Variants in CARD6 observed in about 807,000 individuals in gnomAD.
The protein encoded by CARD6 is caspase recruitment domain-containing protein 6.
Under a neutral mutation model 23.6 loss-of-function variants are expected in CARD6, and 27 were observed. The observed-to-expected ratio is 1.14, with a 90% confidence interval of 0.84 to 1.58. The LOEUF (loss-of-function observed/expected upper bound fraction) is 1.58. Ranked by LOEUF, CARD6 falls within the 40% of genes most tolerant of loss-of-function variation. CARD6 has a pLI of 0.00. For missense variants in CARD6, 1,214 were observed against 1,209.9 expected (o/e 1.00, Z -0.05); for synonymous variants, 397 against 431.8 (o/e 0.92, Z 1.00).
rs749604829 is a variant in CARD6, at chr5:40,841,409, G to C, written c.27G>C (p.Glu9Asp). 6.2e-7 allele frequency: 1 copy of C among 1,611,052 alleles called. No individual in the cohort carries two copies. The highest frequency in any genetic ancestry group is 1.1e-5 in the South Asian group (1 of 90,808). Residue 9 changes from glutamate to aspartate, a missense_variant, in exon 1 of 3, where the codon GAG (glutamate) becomes GAC (aspartate). By Grantham distance (45) the Glu-to-Asp change is conservative (BLOSUM62 2). Coordinates refer to ENST00000254691, the MANE Select transcript of CARD6 (RefSeq NM_032587.4). Reference sequence around the variant, plus strand: ...TGGCTACCGAGAGTACTCCCTCAGAGATCATAGAAAGAGAAAGAAAAAAGT... The same window carrying C: ...TGGCTACCGAGAGTACTCCCTCAGACATCATAGAAAGAGAAAGAAAAAAGT... MATESTPS[E>D]IIERERKKLL... is the part of the protein sequence containing the mutation.
intron 2 of CARD6, among the ~76,000 whole-genome samples, chr5:40,848,356 C>T (rs1297718357): frequency 6.6e-6 from 1 of 151,958 alleles, no homozygotes; most frequent in Non-Finnish European, 1.5e-5. Flanking sequence ...GCTAGGGCTA[C>T]AGGCACAGAC....
chr5:40,841,966 G>A (rs1745871096), intron 1 of CARD6, among the ~76,000 whole-genome samples: 1 of 152,088 alleles, frequency 6.6e-6, no homozygotes, highest in Non-Finnish European at 1.5e-5. Context: ...ACAGTTGGAA[G>A]GAAAATACTT....
chr5:40,849,243 G>A (rs532333831), intron 2 of CARD6, among the ~76,000 whole-genome samples: 16 of 151,964 alleles, frequency 1.1e-4, no homozygotes, highest in East Asian at 3.9e-4. Context: ...GTGATCTGCC[G>A]ACCTCATCCT....
At chr5:40,849,020 T>C (rs1746013009) in intron 2 of CARD6, among the ~76,000 whole-genome samples, 1 of 151,972 alleles carries the variant, frequency 6.6e-6, no homozygotes, top group Non-Finnish European at 1.5e-5. Context: ...CTTTCTTTTT[T>C]TTTGAGATGA....
chr5:40,842,670 A>G (rs1745882651), intron 1 of CARD6, among the ~76,000 whole-genome samples: 1 of 152,184 alleles, frequency 6.6e-6, no homozygotes, highest in African/African-American at 2.4e-5. Context: ...TTTAGTGGAA[A>G]AAAGAAAGTT....
Position 40,841,828 on chromosome 5 carries a change from T to G in CARD6, c.283+163T>G, listed in dbSNP as rs530854550. On this transcript the variant is annotated intron_variant, in intron 1 of 2. Coordinates refer to ENST00000254691, the MANE Select transcript of CARD6 (RefSeq NM_032587.4). Reference sequence around the variant, plus strand: ...TAGGGAAAAACTGGAATTTAAAAAGTTTCTGAAATTTAACATCTTATTGGT... The same window carrying G: ...TAGGGAAAAACTGGAATTTAAAAAGGTTCTGAAATTTAACATCTTATTGGT... 3.3e-5 allele frequency among the ~76,000 whole-genome samples: 5 copies of G among 152,350 alleles called. No homozygotes were observed. The South Asian group carries it at 6.2e-4, about 19-fold the overall frequency.
chr5:40,853,390 A>T lies in CARD6; in HGVS notation c.2058A>T (p.Arg686Ser), dbSNP rs746421492. 1 of 1,614,164 alleles carries T rather than the reference A, an allele frequency of 6.2e-7. No individual in the cohort carries two copies. The highest frequency in any genetic ancestry group is 1.1e-5 in the South Asian group (1 of 91,088). Reference sequence around the variant, plus strand: ...CAGCTGAAGGTGAGGGTCAGCAAAGACACAGTCAGCTAAAAAGCTCATCTA... The same window carrying T: ...CAGCTGAAGGTGAGGGTCAGCAAAGTCACAGTCAGCTAAAAAGCTCATCTA... ...AGTAEGEGQQRHSQLKSSSKS... is the reference protein window; with the variant it reads ...AGTAEGEGQQSHSQLKSSSKS... The change falls in exon 3 of 3, where the codon AGA becomes AGT. Residue 686 changes from arginine to serine, a missense_variant. Coordinates refer to ENST00000254691, the MANE Select transcript of CARD6 (RefSeq NM_032587.4).
chr5:40,847,521 T>G (rs1280400552), intron 2 of CARD6, among the ~76,000 whole-genome samples: 1 of 152,218 alleles, frequency 6.6e-6, no homozygotes, highest in African/African-American at 2.4e-5. Flanking sequence ...TTAGTACAAG[T>G]CTGCTGGTGG....
In CARD6 at chr5:40,841,515, GA is replaced by G; in HGVS notation, c.134del (p.Glu45GlyfsTer10). 6.2e-7 allele frequency: 1 copy of G among 1,614,048 alleles called. No individual in the cohort carries two copies. The highest frequency in any genetic ancestry group is 8.5e-7 in the Non-Finnish European group (1 of 1,179,964). Reference protein sequence around the residue: ...SRRLISEEEYETLENVTDLLK... With the variant: ...SRRLISEEEYXTLENVTDLLK... ...GAGGCTGATTTCTGAGGAAGAGTATGAGACTCTGGAGAATGTTACAGATCTC... is the reference window on the plus strand; with the variant it reads ...GAGGCTGATTTCTGAGGAAGAGTATGGACTCTGGAGAATGTTACAGATCTC... On this transcript the variant is annotated frameshift_variant, in exon 1 of 3. Transcript: ENST00000254691. LOFTEE classifies it high-confidence loss of function.
intron 2 of CARD6, among the ~76,000 whole-genome samples, chr5:40,850,749 A>G (rs1746051358): frequency 6.7e-6 from 1 of 148,412 alleles, no homozygotes. Flanking sequence ...AAAAAAAACC[A>G]GTATCAACCT....
At chr5:40,846,744 A>C (rs867263164) in intron 2 of CARD6, among the ~76,000 whole-genome samples, 1 of 152,166 alleles carries the variant, frequency 6.6e-6, no homozygotes, top group African/African-American at 2.4e-5. Context: ...GACACCAATT[A>C]TACTGATTTA....
chr5:40,847,457 G>T (rs1359115754), intron 2 of CARD6, among the ~76,000 whole-genome samples: 1 of 151,886 alleles, frequency 6.6e-6, no homozygotes, highest in African/African-American at 2.4e-5. Context: ...GAAGATCCAG[G>T]TTTTCATTTT....
At position 40,852,854 on chromosome 5, in the gene CARD6, A is replaced by T; in HGVS notation, c.1522A>T (p.Thr508Ser). 6.2e-7 allele frequency: 1 copy of T among 1,614,200 alleles called. No individual in the cohort carries two copies. Among genetic ancestry groups the T allele is most frequent in the Non-Finnish European group, 8.5e-7 (1 of 1,180,040 alleles). ...RQISDGLVEI[T>S]WCFPDSDDRK... ...AATCTCTGATGGCCTGGTTGAGATA[A>T]CATGGTGTTTTCCTGATAGCGATGA... Residue 508 changes from threonine (T) to serine (S), a missense_variant, in exon 3 of 3, where the codon ACA (threonine) becomes TCA (serine). Coordinates refer to ENST00000254691, the MANE Select transcript of CARD6 (RefSeq NM_032587.4).
intron 2 of CARD6, 116 bp downstream of exon 2, chr5:40,843,825 A>G: frequency 4.5e-6 from 3 of 659,954 alleles, no homozygotes; most frequent in East Asian, 3.1e-5. Flanking sequence ...AAAATCAACT[A>G]CTAAGAAATT....
rs747907692 is a variant in CARD6, at chr5:40,852,716, T to C, written c.1384T>C (p.Tyr462His). The change falls in exon 3 of 3, where the codon TAC becomes CAC. Residue 462 changes from tyrosine to histidine, a missense_variant. Physicochemically the swap from Tyr to His is moderately conservative, Grantham distance 83. Transcript: ENST00000254691. ...TGTCATCTCTTTTGTGCGTCTAGGATACTGTAGCTTCTCTAAGTCCAGAAT... is the reference window on the plus strand; with the variant it reads ...TGTCATCTCTTTTGTGCGTCTAGGACACTGTAGCTTCTCTAAGTCCAGAAT... Reference protein sequence around the residue: ...MPVISFVRLGYCSFSKSRILN... With the variant: ...MPVISFVRLGHCSFSKSRILN... The C allele has an allele frequency of 3.1e-6, 5 of 1,613,892 alleles. No individual in the cohort carries two copies. The South Asian group carries it at 4.4e-5, about 14-fold the overall frequency.
Position 40,852,208 on chromosome 5 carries a change from T to A in CARD6, c.876T>A (p.Cys292Ter). Residue 292 changes from cysteine (C) to a stop codon, truncating the protein, a stop_gained, in exon 3 of 3, where the codon TGT becomes TGA. Coordinates refer to ENST00000254691, the MANE Select transcript of CARD6 (RefSeq NM_032587.4). LOFTEE classifies it low-confidence loss of function (END_TRUNC). The part of the protein sequence containing the change: ...RKKVFKDVLL[C>*]LNMDRSRKVL... The stretch of plus-strand genomic sequence containing the variant: ...AGGTGTTTAAAGATGTCCTGTTATG[T>A]TTGAACATGGATAGAAGCAGAAAGG... 2 of 1,613,416 alleles carry A rather than the reference T, an allele frequency of 1.2e-6. No individual in the cohort carries two copies. The highest frequency in any genetic ancestry group is 1.7e-6 in the Non-Finnish European group (2 of 1,179,526).
rs756806898 is a variant in CARD6 at position 40,852,825 on chromosome 5, G to C, written c.1493G>C (p.Arg498Pro). Residue 498 changes from arginine (R) to proline (P), a missense_variant, in exon 3 of 3, where the codon CGG becomes CCG. Arg to Pro is a moderately radical substitution (Grantham distance 103, BLOSUM62 -2). Transcript: ENST00000254691. ...GATTTGCCTCTTTTGGTGCTTCCCC[G>C]GCAAATCTCTGATGGCCTGGTTGAG... ...HQDLPLLVLP[R>P]QISDGLVEIT... 6.2e-7 allele frequency: 1 copy of C among 1,614,112 alleles called. No homozygotes were observed. Among genetic ancestry groups the C allele is most frequent in the Non-Finnish European group, 8.5e-7 (1 of 1,180,022 alleles).
rs779101992 is a variant in CARD6 at position 40,853,264 on chromosome 5, G to A, written c.1932G>A (p.Glu644=). Reference sequence around the variant, plus strand: ...CTTGCCTCAGATGTGTGTCTGTGGAGGATATGGCCGCCCTGGCCAGGGAGC... The same window carrying A: ...CTTGCCTCAGATGTGTGTCTGTGGAAGATATGGCCGCCCTGGCCAGGGAGC... ...FSSCLRCVSV[E]DMAALARELG... The change falls in exon 3 of 3, where the codon GAG becomes GAA. Residue 644 remains glutamate (E), a synonymous_variant. Transcript: ENST00000254691. 2 of 1,614,054 alleles carry A rather than the reference G, an allele frequency of 1.2e-6. No individual in the cohort carries two copies. Among genetic ancestry groups the A allele is most frequent in the East Asian group, 2.2e-5 (1 of 44,888 alleles).
chr5:40,853,692 C>A lies in CARD6; in HGVS notation c.2360C>A (p.Ser787Tyr). 1 of 1,614,204 alleles carries A rather than the reference C, an allele frequency of 6.2e-7. No individual in the cohort carries two copies. Among genetic ancestry groups the A allele is most frequent in the Non-Finnish European group, 8.5e-7 (1 of 1,180,046 alleles). The stretch of plus-strand genomic sequence containing the variant: ...CGAGGTAAAAGTTTTGGTATTCAAT[C>A]CTTCCATCCCCAGATATTTTATTCA... ...QGRGKSFGIQ[S>Y]FHPQIFYSGE... is the part of the protein sequence containing the mutation. Residue 787 changes from serine (S) to tyrosine (Y), a missense_variant, in exon 3 of 3, where the codon TCC (serine) becomes TAC (tyrosine). Transcript: ENST00000254691.
Sources: gnomAD v4.1 joint callset for allele counts (sites outside exome capture counted in the v4.1 genomes callset) on GRCh38, gnomAD v4.1.1 for gene constraint, MANE v1.5 for transcripts, NCBI Gene and HGNC (gene_info 2026-07-23, HGNC 2026-07-21) for gene names.